The following IQCH variants were observed in gnomAD, a reference collection of about 807,000 sequenced individuals.
IQCH encodes the protein IQ motif containing H, also known as IQ domain-containing protein H.
A neutral mutation model predicts 117.0 loss-of-function variants in IQCH; 98 were observed. The observed-to-expected ratio is 0.84, with a 90% confidence interval of 0.71 to 0.99. The LOEUF is 0.99. Among genes scored for constraint, IQCH ranks in the 50% least tolerant of loss-of-function variants. The probability of loss-of-function intolerance (pLI) is 0.00; values close to 1 mark genes in which losing one functional copy is unlikely to be tolerated. For synonymous variants in IQCH, 412 were observed against 448.2 expected (o/e 0.92, Z 1.02); for missense variants, 1,102 against 1,243.8 (o/e 0.89, Z 1.72).
chr15:67,342,626 A>T lies in IQCH; in HGVS notation c.509-1437A>T, dbSNP rs1969221965. ...GAAATTTGATATTTATAGGTGGAAA[A>T]TATTTGTGAGGACAAAGAATTAGTC... On this transcript the variant is annotated intron_variant, in intron 5 of 20. Transcript: ENST00000335894. The surrounding 1 kb of genome is among the most constrained non-coding windows in gnomAD (Gnocchi z 4.7). 2.0e-5 allele frequency among the ~76,000 whole-genome samples: 3 copies of T among 152,196 alleles called. No individual in the cohort carries two copies. The highest frequency in any genetic ancestry group is 7.2e-5 in the African/African-American group (3 of 41,446).
chr15:67,318,719 G>T (rs188933583), intron 4 of IQCH, among the ~76,000 whole-genome samples: 1 of 152,110 alleles, frequency 6.6e-6, no homozygotes, highest in Non-Finnish European at 1.5e-5. Context: ...AAAACTCAGC[G>T]TAGATATTGC....
chr15:67,327,365 AT>A (rs1968457280), intron 4 of IQCH, among the ~76,000 whole-genome samples: 1 of 152,176 alleles, frequency 6.6e-6, no homozygotes, highest in African/African-American at 2.4e-5. Context: ...TGGACATGCA[AT>A]GTCTGAATAT....
intron 5 of IQCH, 139 bp from the exon 6 acceptor site, chr15:67,343,924 T>A (rs1969275352): frequency 4.9e-6 from 3 of 613,694 alleles, no homozygotes; most frequent in Non-Finnish European, 8.2e-6. Context: ...TATTTTTTTA[T>A]GCAAAGGATT....
At position 67,359,709 on chromosome 15, in the gene IQCH, GC is replaced by G; in HGVS notation, c.715-136del. The G allele has an allele frequency of 1.3e-6, 1 of 759,054 alleles. No homozygotes were observed. The highest frequency in any genetic ancestry group is 2.4e-6 in the Non-Finnish European group (1 of 425,382). The allele number at this position is 759,054 out of a possible 1,614,324, so 47.0% of individuals were successfully genotyped here. A position where few individuals can be genotyped will look rare whatever the true frequency, so the allele number is the denominator to read the frequency against. ...AAGGTCTTTCTAATTATTAGCTCCT[GC>G]CTGCGTGGAAAGAGAGAACAGGCTG... On this transcript the variant is annotated intron_variant, in intron 7 of 20. Coordinates refer to ENST00000335894, the MANE Select transcript of IQCH (RefSeq NM_001031715.3). The surrounding 1 kb of genome is among the most constrained non-coding windows in gnomAD (Gnocchi z 4.5).
In IQCH at chr15:67,447,135, G is replaced by A. The variant is rs375602933; in HGVS notation, c.2506-17992G>A. ...CTTGGCACGTTCTTGGGTTCTTTGA[G>A]CCTCAATTTTCCCTTCATAAAATGG... On this transcript the variant is annotated intron_variant, in intron 16 of 20. Coordinates refer to ENST00000335894, the MANE Select transcript of IQCH (RefSeq NM_001031715.3). The surrounding 1 kb of genome is among the most constrained non-coding windows in gnomAD (Gnocchi z 5.3). Among the ~76,000 whole-genome samples, 1 of 152,208 alleles carries A rather than the reference G, an allele frequency of 6.6e-6. No homozygotes were observed. The highest frequency in any genetic ancestry group is 1.5e-5 in the Non-Finnish European group (1 of 68,034).
At chr15:67,452,599 T>C (rs1354783623) in intron 16 of IQCH, among the ~76,000 whole-genome samples, 2 of 152,202 alleles carry the variant, frequency 1.3e-5, no homozygotes, top group African/African-American at 4.8e-5. Flanking sequence ...GATCAGCTGT[T>C]AGTCTGATGG....
intron 4 of IQCH, among the ~76,000 whole-genome samples, chr15:67,319,004 T>C (rs1669933908): frequency 6.6e-6 from 1 of 152,104 alleles, no homozygotes; most frequent in African/African-American, 2.4e-5. Flanking sequence ...AGGCAGGCAG[T>C]ATCACGAGGT....
rs1288269048 is a variant in IQCH at position 67,318,610 on chromosome 15, A to G, written c.388-18365A>G. 1.4e-4 allele frequency among the ~76,000 whole-genome samples: 22 copies of G among 152,184 alleles called. 1 individual carries two copies. The highest frequency in any genetic ancestry group is 1.4e-3 in the Admixed American group (22 of 15,276). ...GCCTCTTTTTTTCCCCCTAAAGAAG[A>G]TTAATGAAGGTGAACTTTTCATACC... On this transcript the variant is annotated intron_variant, in intron 4 of 20. Coordinates refer to ENST00000335894, the MANE Select transcript of IQCH (RefSeq NM_001031715.3).
chr15:67,304,445 GA>G, intron 4 of IQCH: 1 of 1,494,480 alleles, frequency 6.7e-7, no homozygotes, highest in Non-Finnish European at 9.0e-7. Flanking sequence ...ATTAATCAGA[GA>G]AAAGCATGTG....
chr15:67,377,115 CAAAAAAAA>C (rs5813442), intron 10 of IQCH, among the ~76,000 whole-genome samples: 1 of 82,042 alleles, frequency 1.2e-5, no homozygotes, highest in Non-Finnish European at 2.4e-5. Context: ...GACTCCATCT[CAAAAAAAA>C]AAAAAAAAGA....
chr15:67,394,538 T>C (rs1971395878), intron 12 of IQCH, among the ~76,000 whole-genome samples: 1 of 152,020 alleles, frequency 6.6e-6, no homozygotes, highest in Non-Finnish European at 1.5e-5. Flanking sequence ...AGAAACATGG[T>C]TGTGTTAGTT....
At position 67,370,935 on chromosome 15, in the gene IQCH, G is replaced by A. The variant is rs1467845167; in HGVS notation, c.754-1176G>A. ...ATATAGTAATACTCAACACAGTGCT[G>A]TGGCGTAATCATTATGGATAAATTG... On this transcript the variant is annotated intron_variant, in intron 8 of 20. Coordinates refer to ENST00000335894, the MANE Select transcript of IQCH (RefSeq NM_001031715.3). The surrounding 1 kb of genome is among the most constrained non-coding windows in gnomAD (Gnocchi z 5.6). Among the ~76,000 whole-genome samples, 1 of 148,744 alleles carries A rather than the reference G, an allele frequency of 6.7e-6. No homozygotes were observed. The highest frequency in any genetic ancestry group is 1.5e-5 in the Non-Finnish European group (1 of 67,224).
chr15:67,282,789 C>A (rs919446460), intron 4 of IQCH, among the ~76,000 whole-genome samples: 1 of 152,156 alleles, frequency 6.6e-6, no homozygotes, highest in African/African-American at 2.4e-5. Context: ...TAAGCTCTCT[C>A]TCACCAAAAG....
At chr15:67,487,943 A>G (rs931080467) in intron 18 of IQCH, among the ~76,000 whole-genome samples, 4 of 152,074 alleles carry the variant, frequency 2.6e-5, no homozygotes, top group East Asian at 1.9e-4. Flanking sequence ...TTACAAGATA[A>G]TTTTCAAAGG....
intron 18 of IQCH, among the ~76,000 whole-genome samples, chr15:67,484,512 C>A (rs1371617614): frequency 6.7e-6 from 1 of 149,422 alleles, no homozygotes; most frequent in Non-Finnish European, 1.5e-5. Context: ...AGGTGAATCA[C>A]AAGGTCAGGA....
chr15:67,393,328 T>C lies in IQCH; in HGVS notation c.1633-1963T>C, dbSNP rs935223771. ...CTCAGGAGTTATACTCTCCGACAAT[T>C]TGCAAACTGGTGCATCTGATATTCC... is the stretch of plus-strand genomic sequence containing the variant. On this transcript the variant is annotated intron_variant, in intron 12 of 20. Transcript: ENST00000335894. The surrounding 1 kb of genome is among the most constrained non-coding windows in gnomAD (Gnocchi z 5.5). Among the ~76,000 whole-genome samples the C allele has an allele frequency of 3.3e-5, 5 of 152,128 alleles. No individual in the cohort carries two copies. Among genetic ancestry groups the C allele is most frequent in the African/African-American group, 9.7e-5 (4 of 41,434 alleles).
intron 6 of IQCH, among the ~76,000 whole-genome samples, chr15:67,347,453 A>G (rs1180250590): frequency 6.6e-6 from 1 of 152,108 alleles, no homozygotes; most frequent in Non-Finnish European, 1.5e-5. Context: ...TTTGAAAGAC[A>G]GATACTACCT....
chr15:67,371,487 T>G, intron 8 of IQCH: 1 of 1,589,024 alleles, frequency 6.3e-7, no homozygotes, highest in South Asian at 1.2e-5. Context: ...GAAACCAGAC[T>G]TAAGAATAAA....
chr15:67,472,205 C>T lies in IQCH; in HGVS notation c.2677-3491C>T, dbSNP rs114689527. Among the ~76,000 whole-genome samples, 1,196 of 152,208 alleles carry T rather than the reference C, an allele frequency of 7.9e-3. 23 individuals carry two copies. The highest frequency in any genetic ancestry group is 0.027 in the African/African-American group (1,131 of 41,502). On this transcript the variant is annotated intron_variant, in intron 17 of 20. Transcript: ENST00000335894. This position sits in a 1 kb window ranked among gnomAD's most constrained non-coding sequence, Gnocchi z 4.3. Reference sequence around the variant, plus strand: ...TCACTAACTGGCGAGGAGGGGAGGACGTCCCCTAGCAGATGGGACAGAGTC... The same window carrying T: ...TCACTAACTGGCGAGGAGGGGAGGATGTCCCCTAGCAGATGGGACAGAGTC...
Sources: allele counts gnomAD v4.1 joint callset (sites outside exome capture counted in the v4.1 genomes callset), GRCh38; gene constraint gnomAD v4.1.1; non-coding constraint Gnocchi (gnomAD v3.1); transcripts MANE v1.5; gene names NCBI Gene and HGNC (gene_info 2026-07-23, HGNC 2026-07-21).